KLHL32: variants seen among roughly 807,000 people sequenced by gnomAD.
KLHL32 encodes kelch like family member 32.
Under a neutral mutation model 64.8 loss-of-function variants are expected in KLHL32, and 35 were observed. That is an observed-to-expected ratio of 0.54 (90% CI 0.41 to 0.72). The LOEUF is 0.72. Among genes scored for constraint, KLHL32 ranks in the 30% least tolerant of loss-of-function variants. KLHL32 has a pLI of 0.00. For missense variants in KLHL32, 589 were observed against 768.5 expected, an observed-to-expected ratio of 0.77 and a Z score of 2.76; for synonymous variants, 259 against 281.0, an observed-to-expected ratio of 0.92 and a Z score of 0.78.
At chr6:96,985,642 C>T (rs1337087521) in intron 3 of KLHL32, among the ~76,000 whole-genome samples, 3 of 152,078 alleles carry the variant, frequency 2.0e-5, no homozygotes, top group Non-Finnish European at 4.4e-5. Flanking sequence ...TCACTGATAC[C>T]CTTTCTTCCA....
At chr6:96,917,170 GAA>G in the KLHL32 span, among the ~76,000 whole-genome samples, 1 of 152,212 alleles carries the variant, frequency 6.6e-6, no homozygotes, top group South Asian at 2.1e-4. Context: ...AACTTAAACA[GAA>G]AATGAGAAAT....
chr6:97,120,723 T>G (rs1416888838), intron 7 of KLHL32, among the ~76,000 whole-genome samples: 1 of 152,162 alleles, frequency 6.6e-6, no homozygotes, highest in Non-Finnish European at 1.5e-5. Flanking sequence ...GAGGCGGCCA[T>G]GATGTGAGGA....
intron 1 of KLHL32, among the ~76,000 whole-genome samples, chr6:96,961,819 G>A (rs528748300): frequency 1.3e-5 from 2 of 152,258 alleles, no homozygotes; most frequent in South Asian, 4.1e-4. Flanking sequence ...GGAGTTTTTG[G>A]CTCTCTGATA....
the KLHL32 span, among the ~76,000 whole-genome samples, chr6:96,908,033 G>T: frequency 6.6e-6 from 1 of 152,196 alleles, no homozygotes; most frequent in Non-Finnish European, 1.5e-5. Context: ...AAACTACAAA[G>T]GCTCTGAGGC....
intron 3 of KLHL32, among the ~76,000 whole-genome samples, chr6:97,024,815 T>G (rs1360159904): frequency 6.6e-6 from 1 of 152,154 alleles, no homozygotes; most frequent in African/African-American, 2.4e-5. Context: ...ATAGCTAACA[T>G]TTTTTATCAT....
chr6:97,094,774 G>C (rs1794735865), intron 6 of KLHL32, among the ~76,000 whole-genome samples: 1 of 152,118 alleles, frequency 6.6e-6, no homozygotes, highest in Non-Finnish European at 1.5e-5. Context: ...TTGGTAAGTG[G>C]CACGGTATTA....
intron 6 of KLHL32, among the ~76,000 whole-genome samples, chr6:97,096,861 G>A (rs1336090117): frequency 6.6e-6 from 1 of 152,216 alleles, no homozygotes; most frequent in Non-Finnish European, 1.5e-5. Context: ...ACATTTACAG[G>A]ATATTCCTGC....
intron 3 of KLHL32, among the ~76,000 whole-genome samples, chr6:96,998,330 C>T (rs989676847): frequency 2.0e-5 from 3 of 152,114 alleles, no homozygotes; most frequent in African/African-American, 4.8e-5. Flanking sequence ...AGAATCTGCT[C>T]GTTTGATCTG....
chr6:97,052,218 C>G (rs1471782743), intron 4 of KLHL32, among the ~76,000 whole-genome samples: 1 of 152,148 alleles, frequency 6.6e-6, no homozygotes, highest in East Asian at 1.9e-4. Flanking sequence ...CCTGTCTGCC[C>G]CCATAGGGAG....
chr6:96,962,816 A>C (rs189104959), intron 1 of KLHL32, among the ~76,000 whole-genome samples: 2 of 152,238 alleles, frequency 1.3e-5, no homozygotes, highest in Admixed American at 1.3e-4. Flanking sequence ...GTAAGAAACT[A>C]CCCTAGCCTA....
At chr6:97,044,057 T>A (rs1785543390) in intron 4 of KLHL32, among the ~76,000 whole-genome samples, 1 of 152,142 alleles carries the variant, frequency 6.6e-6, no homozygotes, top group Non-Finnish European at 1.5e-5. Flanking sequence ...ATGGGCATAC[T>A]TGTCTTGTTT....
Position 96,967,058 on chromosome 6 carries a change from A to G in KLHL32, c.-3A>G. 6.2e-7 allele frequency: 1 copy of G among 1,613,378 alleles called. No individual in the cohort carries two copies. Among genetic ancestry groups the G allele is most frequent in the Non-Finnish European group, 8.5e-7 (1 of 1,179,516 alleles). The stretch of plus-strand genomic sequence containing the variant: ...CTGAGAACCTGAGGAACCCAGCTGG[A>G]AAATGCCGTCTGAACGCTGCCTCAG... On this transcript the variant is annotated 5_prime_UTR_variant, in exon 2 of 11. Transcript: ENST00000369261.
At chr6:97,107,942 G>T (rs1163928799) in intron 6 of KLHL32, among the ~76,000 whole-genome samples, 1 of 152,144 alleles carries the variant, frequency 6.6e-6, no homozygotes, top group Non-Finnish European at 1.5e-5. Context: ...AGGATCAATT[G>T]GTTTGAAGTT....
At chr6:96,942,057 A>G (rs1050275276) in intron 1 of KLHL32, among the ~76,000 whole-genome samples, 1 of 152,214 alleles carries the variant, frequency 6.6e-6, no homozygotes. Context: ...ACCCCTTTAG[A>G]AACCTCTGTT....
At chr6:97,027,161 C>CAAA (rs59057028) in intron 3 of KLHL32, among the ~76,000 whole-genome samples, 4 of 110,688 alleles carry the variant, frequency 3.6e-5, no homozygotes, top group East Asian at 4.9e-4. Context: ...GATTCCCTCT[C>CAAA]AAAAAAAAAA....
chr6:97,098,773 AT>A (rs1795323152), intron 6 of KLHL32, among the ~76,000 whole-genome samples: 3 of 152,240 alleles, frequency 2.0e-5, no homozygotes, highest in Admixed American at 2.0e-4. Context: ...ACAAATGATT[AT>A]TTTTTTAGCT....
chr6:97,118,439 T>C (rs1286139944), intron 7 of KLHL32, among the ~76,000 whole-genome samples: 1 of 151,658 alleles, frequency 6.6e-6, no homozygotes, highest in Non-Finnish European at 1.5e-5. Context: ...GCCAGCATGG[T>C]GAAACCCCAT....
intron 3 of KLHL32, among the ~76,000 whole-genome samples, chr6:96,987,282 G>A (rs528500410): frequency 7.4e-4 from 113 of 152,148 alleles, no homozygotes; most frequent in African/African-American, 2.6e-3. Context: ...TGCTTCTCTA[G>A]TTCTTTTAAT....
chr6:96,975,534 G>A (rs558729251), intron 2 of KLHL32, among the ~76,000 whole-genome samples: 1 of 152,294 alleles, frequency 6.6e-6, no homozygotes, highest in East Asian at 1.9e-4. Flanking sequence ...TCCTGTGGGA[G>A]ACATGGTAAG....
Sources: allele counts gnomAD v4.1 joint callset (sites outside exome capture counted in the v4.1 genomes callset), GRCh38; gene constraint gnomAD v4.1.1; transcripts MANE v1.5; gene names NCBI Gene and HGNC (gene_info 2026-07-23, HGNC 2026-07-21).